Variants in HDAC4 observed in about 807,000 individuals in gnomAD.
HDAC4 encodes histone deacetylase A.
A neutral mutation model predicts 135.1 loss-of-function variants in HDAC4; 16 were observed. That is an observed-to-expected ratio of 0.12 (90% CI 0.08 to 0.18). The LOEUF is 0.18. HDAC4 is among the 10% of genes least tolerant of loss of function. The pLI, the probability that HDAC4 is intolerant of heterozygous loss-of-function variation, is 1.00. For missense variants in HDAC4, 1,143 were observed against 1,511.8 expected (o/e 0.76, Z 4.05); for synonymous variants, 685 against 653.4 (o/e 1.05, Z -0.74).
intron 2 of HDAC4, among the ~76,000 whole-genome samples, chr2:239,334,419 G>A (rs952573021): frequency 2.0e-5 from 3 of 152,084 alleles, no homozygotes; most frequent in African/African-American, 7.3e-5. Flanking sequence ...TACTCAGGAG[G>A]CTAAGGCACG....
intron 9 of HDAC4, among the ~76,000 whole-genome samples, chr2:239,137,348 G>A (rs1453721812): frequency 2.6e-5 from 4 of 152,174 alleles, no homozygotes; most frequent in African/African-American, 9.7e-5. Context: ...CAGCAGCAGC[G>A]GCCACAGAGG....
At chr2:239,334,078 TATAG>T (rs1239172648) in intron 2 of HDAC4, among the ~76,000 whole-genome samples, 1 of 152,102 alleles carries the variant, frequency 6.6e-6, no homozygotes, top group African/African-American at 2.4e-5. Context: ...CAAAAGAATA[TATAG>T]ATAATGAGTA....
chr2:239,094,502 A>G, intron 17 of HDAC4: 1 of 1,013,716 alleles, frequency 9.9e-7, no homozygotes, highest in Non-Finnish European at 1.2e-6. Context: ...AGTGATTCAT[A>G]TGCCCAGGCC....
chr2:239,079,345 C>T (rs1161234533), intron 22 of HDAC4, among the ~76,000 whole-genome samples: 1 of 152,186 alleles, frequency 6.6e-6, no homozygotes, highest in Non-Finnish European at 1.5e-5. Flanking sequence ...GGCAGGTCCA[C>T]TGAGGAGCAG....
chr2:239,084,655 GAC>G (rs1390759503), intron 19 of HDAC4, among the ~76,000 whole-genome samples: 3 of 141,106 alleles, frequency 2.1e-5, no homozygotes, highest in Non-Finnish European at 4.6e-5. Context: ...ACCCCACACA[GAC>G]ACACACACCA....
Position 239,048,933 on chromosome 2 carries a change from A to T in HDAC4, c.*4164T>A, listed in dbSNP as rs927464987. On this transcript the variant is annotated 3_prime_UTR_variant, in exon 27 of 27. Transcript: ENST00000543185. Reference sequence around the variant, plus strand: ...ACTCTTTCGAGTCCGCCCAGTTCTCAATCAGAATAAACCGTCACAAGGCCA... The same window carrying T: ...ACTCTTTCGAGTCCGCCCAGTTCTCTATCAGAATAAACCGTCACAAGGCCA... 6.6e-6 allele frequency: 1 copy of T among 152,238 alleles called. No homozygotes were observed. The highest frequency in any genetic ancestry group is 1.5e-5 in the Non-Finnish European group (1 of 68,046). 9.4% of individuals were successfully genotyped at this position (152,238 alleles called of 1,614,324 possible). A position where few individuals can be genotyped will look rare whatever the true frequency, so the allele number is the denominator to read the frequency against.
intron 2 of HDAC4, among the ~76,000 whole-genome samples, chr2:239,256,781 C>T (rs557137108): frequency 6.6e-6 from 1 of 152,360 alleles, no homozygotes; most frequent in Admixed American, 6.5e-5. Context: ...TGTCACCCTT[C>T]AGATTTCAAA....
chr2:239,096,370 A>ACCCCC (rs557023386), intron 16 of HDAC4, among the ~76,000 whole-genome samples: 1 of 80,556 alleles, frequency 1.2e-5, no homozygotes, highest in Non-Finnish European at 2.3e-5. Flanking sequence ...GATGCCTGCA[A>ACCCCC]CCCCCCCCGA....
At chr2:239,171,057 A>C (rs79323323) in intron 5 of HDAC4, among the ~76,000 whole-genome samples, 39 of 152,246 alleles carry the variant, frequency 2.6e-4, no homozygotes, top group African/African-American at 9.4e-4. Flanking sequence ...GAAGGAAAAC[A>C]AAGTCCACTC....
At chr2:239,248,956 A>C (rs1018647911) in intron 2 of HDAC4, among the ~76,000 whole-genome samples, 18 of 152,214 alleles carry the variant, frequency 1.2e-4, no homozygotes, top group African/African-American at 4.1e-4. Context: ...AAGTCCCTGC[A>C]CCCCAAACTT....
intron 13 of HDAC4, among the ~76,000 whole-genome samples, chr2:239,112,980 T>C (rs2038807944): frequency 1.3e-5 from 2 of 152,168 alleles, no homozygotes; most frequent in African/African-American, 4.8e-5. Context: ...ATCCCAGCAC[T>C]TGGGGAGGCT....
chr2:239,360,667 G>T (rs1365293624), intron 1 of HDAC4, among the ~76,000 whole-genome samples: 1 of 151,602 alleles, frequency 6.6e-6, no homozygotes, highest in Non-Finnish European at 1.5e-5. Context: ...CCTTAGGAAA[G>T]AGTACTAGAC....
At chr2:239,070,340 A>G (rs1317930809) in intron 22 of HDAC4, among the ~76,000 whole-genome samples, 1 of 152,262 alleles carries the variant, frequency 6.6e-6, no homozygotes, top group Non-Finnish European at 1.5e-5. Context: ...CCACTGAGAA[A>G]TTCTTTAAAT....
chr2:239,233,157 C>G (rs1051081182), intron 3 of HDAC4, among the ~76,000 whole-genome samples: 1 of 152,192 alleles, frequency 6.6e-6, no homozygotes, highest in African/African-American at 2.4e-5. Context: ...GATAGAGCTA[C>G]TTTACAATTA....
chr2:239,343,812 C>T (rs963322492), intron 2 of HDAC4, among the ~76,000 whole-genome samples: 7 of 152,224 alleles, frequency 4.6e-5, no homozygotes, highest in Admixed American at 2.0e-4. Flanking sequence ...CCGATTCTAG[C>T]GGTGCCAGAT....
intron 16 of HDAC4, among the ~76,000 whole-genome samples, chr2:239,101,020 T>C (rs1178199343): frequency 5.3e-5 from 8 of 152,142 alleles, no homozygotes; most frequent in African/African-American, 2.4e-5. Context: ...CCTGAGTCCA[T>C]AGCCTCTGCA....
intron 2 of HDAC4, among the ~76,000 whole-genome samples, chr2:239,270,256 G>A (rs867888493): frequency 1.4e-4 from 22 of 152,290 alleles, no homozygotes; most frequent in Middle Eastern, 3.4e-3. Flanking sequence ...AATGGATGAC[G>A]GAAACAGAAA....
chr2:239,384,860 C>T (rs896367266), intron 1 of HDAC4, among the ~76,000 whole-genome samples: 7 of 152,136 alleles, frequency 4.6e-5, no homozygotes, highest in African/African-American at 1.7e-4. Context: ...ATACATCAGC[C>T]CTCGGACCAA....
chr2:239,070,302 G>C (rs1162522939), intron 22 of HDAC4, among the ~76,000 whole-genome samples: 1 of 152,212 alleles, frequency 6.6e-6, no homozygotes, highest in East Asian at 1.9e-4. Flanking sequence ...GATGACAAAT[G>C]TAAGAGAATT....
Sources: allele counts gnomAD v4.1 joint callset (sites outside exome capture counted in the v4.1 genomes callset), GRCh38; gene constraint gnomAD v4.1.1; transcripts MANE v1.5; gene names NCBI Gene and HGNC (gene_info 2026-07-23, HGNC 2026-07-21).